The following OPCML variants were observed in gnomAD, a reference collection of about 807,000 sequenced individuals.
The protein encoded by OPCML is opioid-binding protein/cell adhesion molecule.
A neutral mutation model predicts 37.8 loss-of-function variants in OPCML; 13 were observed. The observed-to-expected ratio is 0.34, with a 90% confidence interval of 0.22 to 0.55. OPCML has a LOEUF of 0.55. Ranked by LOEUF, OPCML falls within the 20% of genes least tolerant of loss-of-function variation. The probability of loss-of-function intolerance (pLI) is 0.91; values close to 1 mark genes in which losing one functional copy is unlikely to be tolerated. For synonymous variants in OPCML, 176 were observed against 168.8 expected (o/e 1.04, Z -0.33); for missense variants, 341 against 435.6 (o/e 0.78, Z 1.93).
chr11:133,527,761 A>G (rs544224313), intron 1 of OPCML, among the ~76,000 whole-genome samples: 242 of 152,330 alleles, frequency 1.6e-3, no homozygotes, highest in African/African-American at 5.5e-3. Context: ...CATTCTACAG[A>G]TTGGTAAACT....
At chr11:133,155,973 G>T (rs1208014535) in intron 1 of OPCML, among the ~76,000 whole-genome samples, 1 of 152,042 alleles carries the variant, frequency 6.6e-6, no homozygotes, top group Non-Finnish European at 1.5e-5. Flanking sequence ...TTTTTGCAAG[G>T]TCGGGATCTT....
intron 2 of OPCML, among the ~76,000 whole-genome samples, chr11:132,829,864 T>TC (rs1428434501): frequency 6.6e-6 from 1 of 152,146 alleles, no homozygotes; most frequent in Non-Finnish European, 1.5e-5. Context: ...TCATTTGGGG[T>TC]CCACATCTCT....
chr11:132,615,638 T>C (rs769850736), intron 3 of OPCML, among the ~76,000 whole-genome samples: 7 of 152,232 alleles, frequency 4.6e-5, no homozygotes, highest in Non-Finnish European at 8.8e-5. Flanking sequence ...GTTCATAGAT[T>C]AAATGCAAGT....
intron 7 of OPCML, among the ~76,000 whole-genome samples, chr11:132,425,071 G>A (rs2095973664): frequency 6.6e-6 from 1 of 152,138 alleles, no homozygotes. Context: ...ATCCTGCAAT[G>A]GAGACGGGCC....
chr11:133,481,897 C>T (rs527844567), intron 1 of OPCML, among the ~76,000 whole-genome samples: 7 of 152,220 alleles, frequency 4.6e-5, no homozygotes, highest in African/African-American at 1.7e-4. Context: ...TAAAATGGAC[C>T]GACCTAAAGG....
intron 1 of OPCML, among the ~76,000 whole-genome samples, chr11:133,160,993 G>A (rs972303072): frequency 6.6e-6 from 1 of 152,202 alleles, no homozygotes; most frequent in Non-Finnish European, 1.5e-5. Context: ...ACATGGAGCT[G>A]GATGGAAATC....
chr11:132,596,306 T>A (rs1366170136), intron 3 of OPCML, among the ~76,000 whole-genome samples: 4 of 152,222 alleles, frequency 2.6e-5, no homozygotes, highest in African/African-American at 9.6e-5. Context: ...TGAACAGACA[T>A]ATGTCTGCCC....
chr11:132,765,438 G>A lies in OPCML; in HGVS notation c.147-108119C>T, dbSNP rs951589096. Among the ~76,000 whole-genome samples, 5 of 152,202 alleles carry A rather than the reference G, an allele frequency of 3.3e-5. No homozygotes were observed. In the South Asian group the frequency reaches 1.0e-3, roughly 32 times the overall value. On this transcript the variant is annotated intron_variant, in intron 2 of 7. Transcript: ENST00000524381. ...GACCTGTGACATTATCAACCACGAG[G>A]CATGAGAATCTATGGTGGCTCTCCA...
intron 1 of OPCML, among the ~76,000 whole-genome samples, chr11:133,215,021 C>T (rs58702171): frequency 0.025 from 3,869 of 152,272 alleles, 146 homozygotes; most frequent in African/African-American, 0.09. Flanking sequence ...TTTAGAATGG[C>T]ATAAGCATGC....
At chr11:132,842,740 A>C (rs1218000883) in intron 2 of OPCML, among the ~76,000 whole-genome samples, 1 of 152,196 alleles carries the variant, frequency 6.6e-6, no homozygotes, top group Non-Finnish European at 1.5e-5. Context: ...TTCTGTTTAG[A>C]CGCACTGCCA....
chr11:132,590,217 A>G (rs1313667038), intron 3 of OPCML, among the ~76,000 whole-genome samples: 1 of 152,194 alleles, frequency 6.6e-6, no homozygotes, highest in African/African-American at 2.4e-5. Flanking sequence ...TTATATACAT[A>G]ATAAAGAGGT....
chr11:132,712,992 C>T, intron 2 of OPCML, among the ~76,000 whole-genome samples: 1 of 152,308 alleles, frequency 6.6e-6, no homozygotes, highest in Non-Finnish European at 1.5e-5. Context: ...CCTCTGCTAG[C>T]CAGGGTGGGC....
At chr11:132,557,796 G>A (rs573466113) in intron 3 of OPCML, among the ~76,000 whole-genome samples, 70 of 122,216 alleles carry the variant, frequency 5.7e-4, no homozygotes, top group African/African-American at 2.3e-3. Flanking sequence ...CACACAGGGT[G>A]ATGGGCAAAA....
chr11:132,692,749 A>G (rs1049528166), intron 2 of OPCML, among the ~76,000 whole-genome samples: 9 of 152,192 alleles, frequency 5.9e-5, no homozygotes, highest in Admixed American at 2.6e-4. Flanking sequence ...TAATAATTAA[A>G]CAAAGCAAAC....
At chr11:133,127,915 A>C (rs1381096801) in intron 1 of OPCML, among the ~76,000 whole-genome samples, 1 of 152,082 alleles carries the variant, frequency 6.6e-6, no homozygotes, top group African/African-American at 2.4e-5. Flanking sequence ...CTGGTTGGCC[A>C]GCAGAAGACG....
At chr11:133,068,891 C>T (rs1009004490) in intron 1 of OPCML, among the ~76,000 whole-genome samples, 6 of 152,082 alleles carry the variant, frequency 3.9e-5, no homozygotes, top group East Asian at 1.9e-4. Flanking sequence ...AGGTAGGTGG[C>T]GTCGGTCGAA....
intron 1 of OPCML, among the ~76,000 whole-genome samples, chr11:133,501,097 C>A (rs942457090): frequency 6.6e-6 from 1 of 152,128 alleles, no homozygotes; most frequent in South Asian, 2.1e-4. Context: ...GCTCCAATCT[C>A]CCCCTGCTCC....
chr11:133,244,908 G>T (rs1402482756), intron 1 of OPCML, among the ~76,000 whole-genome samples: 1 of 152,208 alleles, frequency 6.6e-6, no homozygotes, highest in African/African-American at 2.4e-5. Flanking sequence ...TACAGCCTGA[G>T]AAGGTCTGAG....
chr11:133,042,500 T>C (rs559730009), intron 1 of OPCML, among the ~76,000 whole-genome samples: 1 of 152,240 alleles, frequency 6.6e-6, no homozygotes, highest in Non-Finnish European at 1.5e-5. Flanking sequence ...GGAATGTAAG[T>C]GCTGGTGTTG....
Sources: allele counts gnomAD v4.1 joint callset (sites outside exome capture counted in the v4.1 genomes callset), GRCh38; gene constraint gnomAD v4.1.1; transcripts MANE v1.5; gene names NCBI Gene and HGNC (gene_info 2026-07-23, HGNC 2026-07-21).